The following TCEANC2 variants were observed in gnomAD, a reference collection of about 807,000 sequenced individuals.
TCEANC2 encodes transcription elongation factor A N-terminal and central domain-containing protein 2.
A neutral mutation model predicts 22.8 loss-of-function variants in TCEANC2; 20 were observed. The ratio of observed to expected loss-of-function variants is 0.88; its 90% CI spans 0.62 to 1.28. The LOEUF is 1.28. Among genes scored for constraint, TCEANC2 ranks in the 50% most tolerant of loss-of-function variants. The probability of loss-of-function intolerance (pLI) is 0.00; values close to 1 mark genes in which losing one functional copy is unlikely to be tolerated. For synonymous variants in TCEANC2, 84 were observed against 95.5 expected (o/e 0.88, Z 0.70); for missense variants, 251 against 249.7 (o/e 1.01, Z -0.03).
chr1:54,057,985 C>A (rs1290095783), intron 2 of TCEANC2, among the ~76,000 whole-genome samples: 4 of 152,168 alleles, frequency 2.6e-5, no homozygotes, highest in Non-Finnish European at 5.9e-5. Flanking sequence ...GACTCTGGAG[C>A]CAGACTGCCT....
At chr1:54,083,026 AAGAT>A (rs1391274353) in intron 3 of TCEANC2, among the ~76,000 whole-genome samples, 2 of 152,240 alleles carry the variant, frequency 1.3e-5, no homozygotes, top group East Asian at 3.9e-4. Context: ...GGAAGAGTAA[AAGAT>A]AGAGGGAGAA....
intron 3 of TCEANC2, among the ~76,000 whole-genome samples, chr1:54,074,476 A>G (rs904725988): frequency 3.9e-5 from 6 of 152,052 alleles, no homozygotes; most frequent in Admixed American, 3.3e-4. Context: ...AAAAAAAAAT[A>G]TAGTAGATAA....
At position 54,097,028 on chromosome 1, in the gene TCEANC2, T is replaced by C; in HGVS notation, c.*555T>C. On this transcript the variant is annotated 3_prime_UTR_variant, in exon 5 of 5. Coordinates refer to ENST00000234827, the MANE Select transcript of TCEANC2 (RefSeq NM_153035.3). ...CTTATCTGAACGTTTCAGCTCTCCC[T>C]GGAAGACCTTCTGCGTTGGTCTCCA... is the stretch of plus-strand genomic sequence containing the variant. 2.2e-5 allele frequency: 22 copies of C among 980,200 alleles called. No individual in the cohort carries two copies. Among genetic ancestry groups the C allele is most frequent in the Non-Finnish European group, 2.7e-5 (22 of 824,848 alleles). The allele number at this position is 980,200 out of a possible 1,614,324, so 60.7% of individuals were successfully genotyped here.
chr1:54,078,240 G>A (rs1480035701), intron 3 of TCEANC2, among the ~76,000 whole-genome samples: 1 of 152,002 alleles, frequency 6.6e-6, no homozygotes, highest in Non-Finnish European at 1.5e-5. Context: ...CTCTGTAAAT[G>A]TCAGTGTCAT....
intron 3 of TCEANC2, among the ~76,000 whole-genome samples, chr1:54,069,377 G>T (rs1428312848): frequency 1.3e-5 from 2 of 152,144 alleles, no homozygotes; most frequent in Non-Finnish European, 2.9e-5. Flanking sequence ...GGAGGCCTAG[G>T]TGAGCAGATC....
chr1:54,079,499 C>A (rs185912311), intron 3 of TCEANC2, among the ~76,000 whole-genome samples: 5 of 152,324 alleles, frequency 3.3e-5, no homozygotes, highest in African/African-American at 1.2e-4. Flanking sequence ...AGGGGACAAT[C>A]TGTTTCCTAG....
intron 3 of TCEANC2, among the ~76,000 whole-genome samples, chr1:54,069,525 T>C (rs1037012522): frequency 6.6e-6 from 1 of 151,874 alleles, no homozygotes; most frequent in Non-Finnish European, 1.5e-5. Flanking sequence ...TGAGAATTGC[T>C]TGAACCTGGG....
At chr1:54,108,447 A>T (rs61777600), downstream of TCEANC2, among the ~76,000 whole-genome samples, 551 of 152,308 alleles carry the variant, frequency 3.6e-3, 5 homozygotes, top group Non-Finnish European at 4.7e-3. Context: ...GTGTCCTTAT[A>T]AGAAGAGATT....
chr1:54,081,808 G>A (rs76094379), intron 3 of TCEANC2, among the ~76,000 whole-genome samples: 1 of 152,314 alleles, frequency 6.6e-6, no homozygotes, highest in East Asian at 1.9e-4. Flanking sequence ...GTCTGGGCAT[G>A]GCTCTTGTGG....
In TCEANC2 at chr1:54,103,299, A is replaced by G. The variant is rs551125864; in HGVS notation, c.*6826A>G. On this transcript the variant is annotated 3_prime_UTR_variant, in exon 5 of 5. Coordinates refer to ENST00000234827, the MANE Select transcript of TCEANC2 (RefSeq NM_153035.3). ...GTAATTTAAGAAGGAAAGAGGTTTC[A>G]TTGACTCAAATTTCTACATGGCTGG... The G allele has an allele frequency of 4.7e-4, 72 of 152,608 alleles. No homozygotes were observed. The highest frequency in any genetic ancestry group is 8.9e-4 in the Non-Finnish European group (61 of 68,226). 9.5% of individuals were successfully genotyped at this position (152,608 alleles called of 1,614,324 possible). A position where few individuals can be genotyped will look rare whatever the true frequency, so the allele number is the denominator to read the frequency against.
intron 2 of TCEANC2, among the ~76,000 whole-genome samples, chr1:54,058,926 A>T (rs1330897203): frequency 6.6e-6 from 1 of 152,130 alleles, no homozygotes; most frequent in Non-Finnish European, 1.5e-5. Context: ...AAGTGCTAGG[A>T]TTACAGGCGT....
At chr1:54,068,962 CCT>C in intron 3 of TCEANC2, 65 bp downstream of exon 3, 2 of 1,394,474 alleles carry the variant, frequency 1.4e-6, no homozygotes, top group Non-Finnish European at 1.9e-6. Flanking sequence ...TTCTTTCCTT[CCT>C]CTCTCCTTCA....
rs1658617550 is a variant in TCEANC2 at position 54,099,472 on chromosome 1, A to T, written c.*2999A>T. 1.3e-5 allele frequency: 2 copies of T among 152,228 alleles called. No homozygotes were observed. The highest frequency in any genetic ancestry group is 4.1e-4 in the South Asian group (2 of 4,832). The allele number at this position is 152,228 out of a possible 1,614,324, so 9.4% of individuals were successfully genotyped here. The stretch of plus-strand genomic sequence containing the variant: ...AAATGAAAAGGTTGAGGCCGGGTGC[A>T]TTGGTTCATGCCTATAATCCCAGCG... On this transcript the variant is annotated 3_prime_UTR_variant, in exon 5 of 5. Coordinates refer to ENST00000234827, the MANE Select transcript of TCEANC2 (RefSeq NM_153035.3).
chr1:54,089,459 G>C (rs1230342054), intron 4 of TCEANC2, among the ~76,000 whole-genome samples: 1 of 152,176 alleles, frequency 6.6e-6, no homozygotes, highest in Non-Finnish European at 1.5e-5. Context: ...TTAGTGGTTT[G>C]AAGTATACAT....
Position 54,101,671 on chromosome 1 carries a change from C to T in TCEANC2, c.*5198C>T, listed in dbSNP as rs1160281495. ...TTTTATTTTGGGAGGGGGTCAGGGT[C>T]TCACTCTGTCGCCCAGGGTGCAGTA... On this transcript the variant is annotated 3_prime_UTR_variant, in exon 5 of 5. Transcript: ENST00000234827. The T allele has an allele frequency of 6.6e-6, 1 of 152,158 alleles. No homozygotes were observed. Among genetic ancestry groups the T allele is most frequent in the African/African-American group, 2.4e-5 (1 of 41,424 alleles). 9.4% of individuals were successfully genotyped at this position (152,158 alleles called of 1,614,324 possible). A position where few individuals can be genotyped will look rare whatever the true frequency, so the allele number is the denominator to read the frequency against.
rs1482102859 is a variant in TCEANC2 at position 54,103,729 on chromosome 1, C to A, written c.*7256C>A. ...ATCCCTTGAGAACAACCAGCAGCCA[C>A]TTGGGAAGTTGGCTATATTAAACCC... On this transcript the variant is annotated 3_prime_UTR_variant, in exon 5 of 5. Transcript: ENST00000234827. 6.6e-6 allele frequency: 1 copy of A among 152,176 alleles called. No homozygotes were observed. Among genetic ancestry groups the A allele is most frequent in the Non-Finnish European group, 1.5e-5 (1 of 68,040 alleles). 9.4% of individuals were successfully genotyped at this position (152,176 alleles called of 1,614,324 possible). A position where few individuals can be genotyped will look rare whatever the true frequency, so the allele number is the denominator to read the frequency against.
chr1:54,067,402 T>C (rs1657978538), intron 2 of TCEANC2, among the ~76,000 whole-genome samples: 1 of 152,170 alleles, frequency 6.6e-6, no homozygotes, highest in Non-Finnish European at 1.5e-5. Flanking sequence ...GCCCACAGTA[T>C]GGGAACTCAA....
At position 54,098,923 on chromosome 1, in the gene TCEANC2, A is replaced by C. The variant is rs185243269; in HGVS notation, c.*2450A>C. 7 of 152,442 alleles carry C rather than the reference A, an allele frequency of 4.6e-5. No homozygotes were observed. The highest frequency in any genetic ancestry group is 3.9e-4 in the East Asian group (2 of 5,192). The allele number at this position is 152,442 out of a possible 1,614,324, so 9.4% of individuals were successfully genotyped here. On this transcript the variant is annotated 3_prime_UTR_variant, in exon 5 of 5. Coordinates refer to ENST00000234827, the MANE Select transcript of TCEANC2 (RefSeq NM_153035.3). Reference sequence around the variant, plus strand: ...AGTATGGAAAAACCCAGAAGTGGAGATATCTGGAAGGTGATTGGTATGGCT... The same window carrying C: ...AGTATGGAAAAACCCAGAAGTGGAGCTATCTGGAAGGTGATTGGTATGGCT...
At chr1:54,081,062 A>G (rs1431994778) in intron 3 of TCEANC2, among the ~76,000 whole-genome samples, 1 of 152,036 alleles carries the variant, frequency 6.6e-6, no homozygotes. Flanking sequence ...TTATATATGA[A>G]ACCTGGTCTG....
Sources: gnomAD v4.1 joint callset for allele counts (sites outside exome capture counted in the v4.1 genomes callset) on GRCh38, gnomAD v4.1.1 for gene constraint, MANE v1.5 for transcripts, NCBI Gene and HGNC (gene_info 2026-07-23, HGNC 2026-07-21) for gene names.